Variants in DOP1B observed in about 807,000 individuals in gnomAD.
DOP1B encodes the protein protein DOP1B.
In DOP1B, 174 loss-of-function variants were observed where a neutral mutation model predicts 233.5. The observed-to-expected ratio is 0.75, with a 90% confidence interval of 0.66 to 0.85. DOP1B has a LOEUF of 0.85. DOP1B is among the 40% of genes least tolerant of loss of function. DOP1B has a pLI of 0.00. For synonymous variants in DOP1B, 1,190 were observed against 1,185.6 expected, an observed-to-expected ratio of 1.00 and a Z score of -0.08; for missense variants, 2,652 against 2,846.6, an observed-to-expected ratio of 0.93 and a Z score of 1.56.
chr21:36,202,839 C>G (rs933875798), intron 4 of DOP1B, among the ~76,000 whole-genome samples: 1 of 152,120 alleles, frequency 6.6e-6, no homozygotes, highest in African/African-American at 2.4e-5. Context: ...ACGAGTGGTC[C>G]AGGTCACATA....
intron 4 of DOP1B, among the ~76,000 whole-genome samples, chr21:36,207,506 T>TG (rs936088249): frequency 4.1e-5 from 6 of 145,002 alleles, no homozygotes; most frequent in Non-Finnish European, 7.8e-5. Context: ...TTTGTTTTTT[T>TG]TTTTTTTTTT....
At position 36,256,189 on chromosome 21, in the gene DOP1B, C is replaced by T. The variant is rs541124265; in HGVS notation, c.5259+2280C>T. Among the ~76,000 whole-genome samples, 6 of 152,158 alleles carry T rather than the reference C, an allele frequency of 3.9e-5. No individual in the cohort carries two copies. The South Asian group carries it at 8.3e-4, about 21-fold the overall frequency. On this transcript the variant is annotated intron_variant, in intron 23 of 36. Coordinates refer to ENST00000691173, the MANE Select transcript of DOP1B (RefSeq NM_001320714.2). ...TAATCTAAATGAAAATTAGGGGGGC[C>T]GGGCATGGTGGCTCATGCCTGTAGT...
intron 4 of DOP1B, among the ~76,000 whole-genome samples, chr21:36,207,082 G>A (rs1290142330): frequency 1.3e-5 from 2 of 152,100 alleles, no homozygotes; most frequent in African/African-American, 2.4e-5. Flanking sequence ...ATAGGCACTG[G>A]GGCTGTGACA....
At chr21:36,270,552 C>CAAAAAAAAAA (rs398040600) in intron 27 of DOP1B, among the ~76,000 whole-genome samples, 1 of 36,828 alleles carries the variant, frequency 2.7e-5, no homozygotes, top group Non-Finnish European at 4.8e-5. Context: ...GACTCCGTCT[C>CAAAAAAAAAA]AAAAAAAAAA....
chr21:36,256,794 A>G (rs2067102830), intron 23 of DOP1B, among the ~76,000 whole-genome samples: 3 of 152,178 alleles, frequency 2.0e-5, no homozygotes, highest in Non-Finnish European at 4.4e-5. Context: ...TCCTCACTCA[A>G]CAACATAACA....
intron 2 of DOP1B, among the ~76,000 whole-genome samples, chr21:36,176,601 C>T (rs545062334): frequency 2.6e-5 from 4 of 152,006 alleles, no homozygotes; most frequent in African/African-American, 4.8e-5. Context: ...CCAGGGTCAT[C>T]GTGGAATGAT....
intron 21 of DOP1B, 117 bp downstream of exon 21, chr21:36,248,685 AG>A: frequency 1.0e-6 from 1 of 980,868 alleles, no homozygotes; most frequent in Non-Finnish European, 1.4e-6. Context: ...AACCCAAGTC[AG>A]AGATCAGAAG....
intron 32 of DOP1B, among the ~76,000 whole-genome samples, chr21:36,284,480 A>T (rs933389631): frequency 2.0e-5 from 3 of 150,298 alleles, no homozygotes; most frequent in African/African-American, 7.4e-5. Context: ...CATGTTGGTC[A>T]TGCTGGTCTC....
chr21:36,176,698 T>A (rs2066035993), intron 2 of DOP1B, among the ~76,000 whole-genome samples: 1 of 152,088 alleles, frequency 6.6e-6, no homozygotes, highest in Non-Finnish European at 1.5e-5. Context: ...TTAAACTAGA[T>A]CCTGTACCTC....
chr21:36,213,670 C>G (rs188057589), intron 7 of DOP1B, among the ~76,000 whole-genome samples: 10 of 151,814 alleles, frequency 6.6e-5, no homozygotes, highest in Admixed American at 6.6e-5. Context: ...TCCCAAGTAG[C>G]TGGGATTACA....
At chr21:36,177,270 C>T (rs2066042397) in intron 2 of DOP1B, among the ~76,000 whole-genome samples, 1 of 152,202 alleles carries the variant, frequency 6.6e-6, no homozygotes, top group Non-Finnish European at 1.5e-5. Flanking sequence ...CTACCCCAGG[C>T]TTCACAGCAG....
At chr21:36,228,885 C>T (rs536225987) in intron 13 of DOP1B, among the ~76,000 whole-genome samples, 2 of 152,214 alleles carry the variant, frequency 1.3e-5, no homozygotes, top group East Asian at 1.9e-4. Flanking sequence ...GTGGGAGGAT[C>T]GCTTGAGCCC....
intron 1 of DOP1B, among the ~76,000 whole-genome samples, chr21:36,163,612 A>G (rs1311487813): frequency 1.3e-5 from 2 of 152,206 alleles, no homozygotes; most frequent in African/African-American, 4.8e-5. Context: ...TTAACTATAT[A>G]GCATTGCTCT....
chr21:36,232,079 C>T (rs921457564), intron 14 of DOP1B, among the ~76,000 whole-genome samples: 6 of 152,056 alleles, frequency 3.9e-5, no homozygotes, highest in Non-Finnish European at 8.8e-5. Flanking sequence ...CTTTTGACCT[C>T]GCGATCCACC....
chr21:36,248,089 A>G (rs987185053), intron 20 of DOP1B, among the ~76,000 whole-genome samples: 4 of 152,214 alleles, frequency 2.6e-5, no homozygotes, highest in African/African-American at 9.6e-5. Context: ...GCTGTTGGTT[A>G]TTCTACCCTG....
chr21:36,199,285 T>G lies in DOP1B; in HGVS notation c.320+34T>G, dbSNP rs201032786. On this transcript the variant is annotated intron_variant, in intron 3 of 36. Coordinates refer to ENST00000691173, the MANE Select transcript of DOP1B (RefSeq NM_001320714.2). ...GCTTCTCTGCTGTGTTCCTTTTTATTACCCAAGTAACCGGTATTTCAGCTC... is the reference window on the plus strand; with the variant it reads ...GCTTCTCTGCTGTGTTCCTTTTTATGACCCAAGTAACCGGTATTTCAGCTC... 3 of 1,587,024 alleles carry G rather than the reference T, an allele frequency of 1.9e-6. No homozygotes were observed. The East Asian group carries it at 6.7e-5, about 36-fold the overall frequency.
chr21:36,219,636 T>C, intron 10 of DOP1B, 144 bp downstream of exon 10: 1 of 1,184,772 alleles, frequency 8.4e-7, no homozygotes, highest in South Asian at 1.6e-5. Context: ...AAATAATCAA[T>C]GCGTTGAAGT....
chr21:36,235,748 G>A (rs2066817501), intron 15 of DOP1B, among the ~76,000 whole-genome samples: 1 of 148,824 alleles, frequency 6.7e-6, no homozygotes, highest in African/African-American at 2.5e-5. Flanking sequence ...ATATGAGGGA[G>A]TAGGTATGGA....
chr21:36,246,853 GTTAT>G lies in DOP1B; in HGVS notation c.4697+177_4697+180del, dbSNP rs2066972048. 6.1e-5 allele frequency among the ~76,000 whole-genome samples: 1 copy of G among 16,426 alleles called. No individual in the cohort carries two copies. Among genetic ancestry groups the G allele is most frequent in the African/African-American group, 1.6e-4 (1 of 6,430 alleles). The allele number at this position is 16,426 out of a possible 152,430, so 10.8% of individuals were successfully genotyped here. The stretch of plus-strand genomic sequence containing the variant: ...TAAATGTTCTGATCCATTATGTTAT[GTTAT>G]GTTATGTTATGTTATGTTATGTTAT... On this transcript the variant is annotated intron_variant, in intron 19 of 36. Coordinates refer to ENST00000691173, the MANE Select transcript of DOP1B (RefSeq NM_001320714.2). The surrounding 1 kb of genome is among the most constrained non-coding windows in gnomAD (Gnocchi z 5.1).
Sources: allele counts gnomAD v4.1 joint callset (sites outside exome capture counted in the v4.1 genomes callset), GRCh38; gene constraint gnomAD v4.1.1; non-coding constraint Gnocchi (gnomAD v3.1); transcripts MANE v1.5; gene names NCBI Gene and HGNC (gene_info 2026-07-23, HGNC 2026-07-21).